Variants in DCTD observed in about 807,000 individuals in gnomAD.
DCTD encodes dCMP deaminase.
Under a neutral mutation model 21.0 loss-of-function variants are expected in DCTD, and 23 were observed. The ratio of observed to expected loss-of-function variants is 1.09; its 90% CI spans 0.79 to 1.55. The LOEUF (loss-of-function observed/expected upper bound fraction) is 1.55. Among genes scored for constraint, DCTD ranks in the 40% most tolerant of loss-of-function variants. The pLI is 0.00. For synonymous variants in DCTD, 71 were observed against 81.1 expected (o/e 0.88, Z 0.67); for missense variants, 224 against 230.0 (o/e 0.97, Z 0.17).
In DCTD at chr4:182,891,236, G is replaced by C; in HGVS notation, c.*163C>G. 1 of 638,354 alleles carries C rather than the reference G, an allele frequency of 1.6e-6. No individual in the cohort carries two copies. Among genetic ancestry groups the C allele is most frequent in the East Asian group, 2.5e-5 (1 of 39,434 alleles). 39.5% of individuals were successfully genotyped at this position (638,354 alleles called of 1,614,324 possible). A position where few individuals can be genotyped will look rare whatever the true frequency, so the allele number is the denominator to read the frequency against. On this transcript the variant is annotated 3_prime_UTR_variant, in exon 6 of 6. Coordinates refer to ENST00000438320, the MANE Select transcript of DCTD (RefSeq NM_001921.3). ...GTTCAAACACATGTAGATTCCATGT[G>C]ACAAGAGAGACAGTAAGGAAGATTT...
chr4:182,901,691 C>A (rs938176011), intron 3 of DCTD, among the ~76,000 whole-genome samples: 1 of 151,934 alleles, frequency 6.6e-6, no homozygotes, highest in East Asian at 1.9e-4. Flanking sequence ...GGAAGCATCA[C>A]CCTCTATTAT....
At chr4:182,913,650 A>T (rs986503725) in intron 3 of DCTD, among the ~76,000 whole-genome samples, 5 of 152,226 alleles carry the variant, frequency 3.3e-5, no homozygotes, top group African/African-American at 1.2e-4. Flanking sequence ...AATCTTTCCC[A>T]TTTGGATGGC....
chr4:182,899,370 T>TTTC (rs2152857054), intron 3 of DCTD, among the ~76,000 whole-genome samples: 1 of 152,168 alleles, frequency 6.6e-6, no homozygotes, highest in East Asian at 1.9e-4. Context: ...GTCTTTGATT[T>TTTC]TTCTCCCATA....
At chr4:182,907,994 A>G (rs938507288) in intron 3 of DCTD, among the ~76,000 whole-genome samples, 7 of 151,954 alleles carry the variant, frequency 4.6e-5, no homozygotes, top group Non-Finnish European at 8.8e-5. Context: ...GGCTTTACTT[A>G]GCTAATGTGT....
chr4:182,898,067 C>T (rs1308221036), intron 3 of DCTD, among the ~76,000 whole-genome samples: 1 of 152,244 alleles, frequency 6.6e-6, no homozygotes, highest in Non-Finnish European at 1.5e-5. Context: ...ATGACTTCCT[C>T]CAATTTGTTT....
At chr4:182,900,410 A>G (rs1289453216) in intron 3 of DCTD, among the ~76,000 whole-genome samples, 1 of 152,234 alleles carries the variant, frequency 6.6e-6, no homozygotes, top group Admixed American at 6.5e-5. Context: ...CAATAAATGA[A>G]GGAATAAATT....
At chr4:182,891,730 G>T (rs10017797) in intron 5 of DCTD, among the ~76,000 whole-genome samples, 11,945 of 152,214 alleles carry the variant, frequency 0.078, 531 homozygotes, top group African/African-American at 0.1. Flanking sequence ...AATTATTGGG[G>T]AGTCAAAGGA....
At chr4:182,892,945 C>T (rs1304798692) in intron 5 of DCTD, 86 bp downstream of exon 5, 3 of 779,144 alleles carry the variant, frequency 3.9e-6, no homozygotes, top group Non-Finnish European at 6.7e-6. Context: ...GGAAGTCAGG[C>T]ATCACAAGGA....
chr4:182,913,939 C>T (rs1738192705), intron 3 of DCTD, among the ~76,000 whole-genome samples: 1 of 152,148 alleles, frequency 6.6e-6, no homozygotes, highest in Non-Finnish European at 1.5e-5. Flanking sequence ...GACAGTCAAG[C>T]CAAAGGTTTA....
intron 1 of DCTD, 91 bp from the exon 2 acceptor site, chr4:182,915,666 T>C (rs756546065): frequency 1.1e-6 from 1 of 937,228 alleles, no homozygotes; most frequent in Non-Finnish European, 1.7e-6. Context: ...AACCTTTAAA[T>C]CTCTAAACAT....
intron 5 of DCTD, among the ~76,000 whole-genome samples, chr4:182,891,826 G>C (rs1015959208): frequency 6.6e-6 from 1 of 152,132 alleles, no homozygotes. Context: ...AATTTCTGCA[G>C]CCAACTTGGA....
At chr4:182,899,054 T>C (rs980568679) in intron 3 of DCTD, among the ~76,000 whole-genome samples, 1 of 152,196 alleles carries the variant, frequency 6.6e-6, no homozygotes, top group Non-Finnish European at 1.5e-5. Flanking sequence ...TTCCGTGGTG[T>C]AGACATTTTT....
intron 4 of DCTD, among the ~76,000 whole-genome samples, chr4:182,893,339 A>T (rs545947223): frequency 6.6e-6 from 1 of 150,826 alleles, no homozygotes; most frequent in East Asian, 1.9e-4. Flanking sequence ...GTCTTTATGG[A>T]TTTTTTTTTT....
chr4:182,911,450 C>T (rs1186508996), intron 3 of DCTD: 2 of 152,166 alleles, frequency 1.3e-5, no homozygotes, highest in South Asian at 2.1e-4. Flanking sequence ...CACCCCTCCC[C>T]GAGCTCCTGA....
chr4:182,895,984 C>T (rs1272504020), intron 3 of DCTD, among the ~76,000 whole-genome samples: 5 of 152,306 alleles, frequency 3.3e-5, no homozygotes, highest in South Asian at 2.1e-4. Context: ...ATTTGTCAAA[C>T]GAGTTAATGA....
chr4:182,898,962 C>T (rs1411583826), intron 3 of DCTD, among the ~76,000 whole-genome samples: 8 of 152,108 alleles, frequency 5.3e-5, no homozygotes, highest in East Asian at 1.9e-4. Context: ...GAATGGATCC[C>T]GCATACAAGG....
At chr4:182,912,611 A>T (rs964322431) in intron 3 of DCTD, among the ~76,000 whole-genome samples, 21 of 151,960 alleles carry the variant, frequency 1.4e-4, no homozygotes, top group African/African-American at 3.6e-4. Context: ...GCAGGTTTTT[A>T]AAAAAATTCC....
intron 2 of DCTD, 103 bp downstream of exon 2, chr4:182,915,358 A>G (rs1036152761): frequency 1.2e-6 from 1 of 847,920 alleles, no homozygotes; most frequent in Admixed American, 1.9e-5. Flanking sequence ...CCGACCCTGC[A>G]CTTTTAAGTT....
chr4:182,904,386 G>C (rs892180671), intron 3 of DCTD, among the ~76,000 whole-genome samples: 5 of 152,200 alleles, frequency 3.3e-5, no homozygotes, highest in Non-Finnish European at 5.9e-5. Context: ...CCTAAAATGC[G>C]TGACAACAGC....
Sources: gnomAD v4.1 joint callset for allele counts (sites outside exome capture counted in the v4.1 genomes callset) on GRCh38, gnomAD v4.1.1 for gene constraint, MANE v1.5 for transcripts, NCBI Gene and HGNC (gene_info 2026-07-23, HGNC 2026-07-21) for gene names.